SEMA3A: variants seen among roughly 807,000 people sequenced by gnomAD.
SEMA3A encodes the protein semaphorin-3A.
A neutral mutation model predicts 97.9 loss-of-function variants in SEMA3A; 29 were observed. That is an observed-to-expected ratio of 0.30 (90% CI 0.22 to 0.40). The LOEUF (loss-of-function observed/expected upper bound fraction) is 0.40. SEMA3A is among the 10% of genes least tolerant of loss of function. The probability of loss-of-function intolerance (pLI) is 1.00; values close to 1 mark genes in which losing one functional copy is unlikely to be tolerated. For synonymous variants in SEMA3A, 321 were observed against 323.7 expected, an observed-to-expected ratio of 0.99 and a Z score of 0.09; for missense variants, 763 against 951.3, an observed-to-expected ratio of 0.80 and a Z score of 2.60.
chr7:84,332,393 C>A (rs764322739), intron 2 of SEMA3A, among the ~76,000 whole-genome samples: 1 of 152,056 alleles, frequency 6.6e-6, no homozygotes, highest in Non-Finnish European at 1.5e-5. Context: ...ACTGGATACA[C>A]CACCAATGAA....
At position 83,981,382 on chromosome 7, in the gene SEMA3A, G is replaced by A. The variant is rs746525414; in HGVS notation, c.1591C>T (p.Arg531Ter). Residue 531 changes from arginine (R) to a stop codon, truncating the protein, a stop_gained, in exon 14 of 17, where the codon CGA becomes TGA. Transcript: ENST00000265362. LOFTEE classifies it high-confidence loss of function. ...GKACAECCLA[R>*]DPYCAWDGSA... ...CCATCCCAAGCACAGTAAGGGTCTC[G>A]GGCGAGGCAACACTCAGCACACGCT... The A allele has an allele frequency of 5.0e-6, 8 of 1,613,930 alleles. No individual in the cohort carries two copies. The highest frequency in any genetic ancestry group is 6.8e-6 in the Non-Finnish European group (8 of 1,179,934).
At chr7:84,088,757 A>G (rs1260212987) in intron 4 of SEMA3A, among the ~76,000 whole-genome samples, 9 of 152,116 alleles carry the variant, frequency 5.9e-5, no homozygotes, top group Non-Finnish European at 1.5e-5. Flanking sequence ...TTAAAACTAC[A>G]AGAATATGAA....
At chr7:83,987,277 A>T (rs1789675419) in intron 12 of SEMA3A, among the ~76,000 whole-genome samples, 1 of 152,130 alleles carries the variant, frequency 6.6e-6, no homozygotes. Flanking sequence ...TCAATTAAAA[A>T]GTGTATTATG....
chr7:83,968,057 C>T (rs1788775851), intron 15 of SEMA3A, among the ~76,000 whole-genome samples: 1 of 152,146 alleles, frequency 6.6e-6, no homozygotes, highest in Non-Finnish European at 1.5e-5. Flanking sequence ...ATATAAATGG[C>T]AGCACAGTAT....
rs758418781 is a variant in SEMA3A, at chr7:84,014,228, C to T, written c.791G>A (p.Arg264Lys). The T allele has an allele frequency of 6.2e-7, 1 of 1,613,098 alleles. No homozygotes were observed. Among genetic ancestry groups the T allele is most frequent in the South Asian group, 1.1e-5 (1 of 90,994 alleles). Reference protein sequence around the residue: ...GEHSGKATHARIGQICKNDFG... With the variant: ...GEHSGKATHAKIGQICKNDFG... The stretch of plus-strand genomic sequence containing the variant: ...CCTCACCTTGCATATCTGACCTATT[C>T]TAGCGTGAGTAGCTTTTCCAGAGTG... The change falls in exon 7 of 17, where the codon AGA becomes AAA. Residue 264 changes from arginine to lysine, a missense_variant. Physicochemically the swap from Arg to Lys is conservative, Grantham distance 26. Coordinates refer to ENST00000265362, the MANE Select transcript of SEMA3A (RefSeq NM_006080.3).
intron 1 of SEMA3A, among the ~76,000 whole-genome samples, chr7:84,386,344 C>G (rs1053184136): frequency 1.3e-5 from 2 of 152,114 alleles, no homozygotes; most frequent in Admixed American, 1.3e-4. Flanking sequence ...ATAATCCATG[C>G]TGTTTCGATG....
intron 1 of SEMA3A, among the ~76,000 whole-genome samples, chr7:84,414,407 A>C (rs1002394002): frequency 2.4e-4 from 36 of 152,094 alleles, no homozygotes; most frequent in African/African-American, 8.7e-4. Flanking sequence ...AAAAAAAAAA[A>C]AAACAGTATT....
intron 1 of SEMA3A, among the ~76,000 whole-genome samples, chr7:84,477,991 A>AC (rs1444537560): frequency 1.3e-5 from 2 of 152,192 alleles, no homozygotes; most frequent in African/African-American, 4.8e-5. Flanking sequence ...TTCCAAATGA[A>AC]CAGCTAAGCA....
Position 84,011,044 on chromosome 7 carries a change from A to AT in SEMA3A, c.972dup (p.Tyr325IlefsTer9). On this transcript the variant is annotated frameshift_variant, in exon 9 of 17. Transcript: ENST00000265362. LOFTEE classifies it high-confidence loss of function. ...TACCTGGAAGTCGTAAACACTCCATATACAACTGGATTTTTAGGATCTTTA... is the reference window on the plus strand; with the variant it reads ...TACCTGGAAGTCGTAAACACTCCATATTACAACTGGATTTTTAGGATCTTTA... 6.2e-7 allele frequency: 1 copy of AT among 1,610,936 alleles called. No homozygotes were observed.
intron 1 of SEMA3A, among the ~76,000 whole-genome samples, chr7:84,400,562 A>G (rs1357962717): frequency 6.6e-6 from 1 of 152,224 alleles, no homozygotes; most frequent in Admixed American, 6.5e-5. Flanking sequence ...AGTGAGCTCA[A>G]AGTCAGGATA....
At chr7:83,983,669 T>A (rs1464487363) in intron 13 of SEMA3A, among the ~76,000 whole-genome samples, 2 of 152,076 alleles carry the variant, frequency 1.3e-5, no homozygotes, top group Non-Finnish European at 2.9e-5. Context: ...TTACCATAAT[T>A]TTGCAGTATT....
chr7:84,111,705 C>G (rs922776315), intron 3 of SEMA3A, among the ~76,000 whole-genome samples: 1 of 152,174 alleles, frequency 6.6e-6, no homozygotes, highest in African/African-American at 2.4e-5. Context: ...ATGCTGAGTA[C>G]TTTGGGGGTA....
intron 2 of SEMA3A, among the ~76,000 whole-genome samples, chr7:84,365,682 T>G (rs941014613): frequency 1.3e-5 from 2 of 151,464 alleles, no homozygotes; most frequent in Non-Finnish European, 3.0e-5. Context: ...CACTTTTATA[T>G]TCTTACTTTT....
chr7:84,348,908 CGGGT>C (rs10601473), intron 2 of SEMA3A, among the ~76,000 whole-genome samples: 31,152 of 151,872 alleles, frequency 0.21, 3,347 homozygotes, highest in Admixed American at 0.27. Flanking sequence ...CGCTTGAAAC[CGGGT>C]GGCGGAGGTT....
intron 14 of SEMA3A, among the ~76,000 whole-genome samples, chr7:83,978,024 C>T (rs559172447): frequency 6.6e-6 from 1 of 152,024 alleles, no homozygotes; most frequent in African/African-American, 2.4e-5. Flanking sequence ...AGGATGGTCT[C>T]GATCTCCTGA....
At chr7:84,203,203 A>G (rs1798396715) in intron 3 of SEMA3A, among the ~76,000 whole-genome samples, 2 of 152,044 alleles carry the variant, frequency 1.3e-5, no homozygotes, top group Non-Finnish European at 2.9e-5. Flanking sequence ...AATATTTTGC[A>G]AGTATTCTAG....
chr7:84,144,582 C>T (rs1005163897), intron 1 of SEMA3A, among the ~76,000 whole-genome samples: 27 of 152,180 alleles, frequency 1.8e-4, no homozygotes, highest in African/African-American at 5.5e-4. Flanking sequence ...AATTGAGTCA[C>T]GTACAAGGGA....
intron 3 of SEMA3A, among the ~76,000 whole-genome samples, chr7:84,119,578 T>A (rs1032813274): frequency 4.6e-5 from 7 of 152,156 alleles, no homozygotes; most frequent in African/African-American, 1.7e-4. Flanking sequence ...AGGAAAATAG[T>A]CAAAAGTTGG....
chr7:84,265,927 T>C (rs1799986645), intron 3 of SEMA3A, among the ~76,000 whole-genome samples: 1 of 152,194 alleles, frequency 6.6e-6, no homozygotes, highest in South Asian at 2.1e-4. Flanking sequence ...TTTAGGATTA[T>C]GGCATGAATG....
Sources: allele counts gnomAD v4.1 joint callset (sites outside exome capture counted in the v4.1 genomes callset), GRCh38; gene constraint gnomAD v4.1.1; transcripts MANE v1.5; gene names NCBI Gene and HGNC (gene_info 2026-07-23, HGNC 2026-07-21).